ACP3: variants seen among roughly 807,000 people sequenced by gnomAD.
The protein encoded by ACP3 is prostatic acid phosphatase.
Under a neutral mutation model 45.6 loss-of-function variants are expected in ACP3, and 38 were observed. The observed-to-expected ratio is 0.83, with a 90% CI of 0.64 to 1.09. The LOEUF (loss-of-function observed/expected upper bound fraction) is 1.09, where lower values mean the gene tolerates loss of function less well. Among genes scored for constraint, ACP3 ranks in the 50% least tolerant of loss-of-function variants. The probability of loss-of-function intolerance (pLI) is 0.00; values close to 1 mark genes in which losing one functional copy is unlikely to be tolerated. For synonymous variants in ACP3, 162 were observed against 164.7 expected (o/e 0.98, Z 0.13); for missense variants, 466 against 463.2 (o/e 1.01, Z -0.05).
chr3:132,332,616 G>C, intron 4 of ACP3: 1 of 305,252 alleles, frequency 3.3e-6, no homozygotes, highest in Non-Finnish European at 6.2e-6. Flanking sequence ...CATACACAGA[G>C]AGAGAGAGAG....
intron 7 of ACP3, among the ~76,000 whole-genome samples, chr3:132,346,232 T>C (rs1307006178): frequency 2.0e-5 from 3 of 152,174 alleles, no homozygotes; most frequent in Admixed American, 2.0e-4. Flanking sequence ...GAATCAATTA[T>C]AGCTAGAAAA....
chr3:132,367,535 T>G (rs1361566878), intron 10 of ACP3, among the ~76,000 whole-genome samples: 1 of 152,244 alleles, frequency 6.6e-6, no homozygotes, highest in Non-Finnish European at 1.5e-5. Context: ...GGTCATCTCC[T>G]GACTCCTAGT....
At chr3:132,367,570 T>TA (rs1425638703) in intron 10 of ACP3, 1 of 682,036 alleles carries the variant, frequency 1.5e-6, no homozygotes, top group African/African-American at 1.8e-5. Flanking sequence ...AGCACACACA[T>TA]AATGCTGATT....
intron 9 of ACP3, among the ~76,000 whole-genome samples, chr3:132,355,359 C>A (rs1937857692): frequency 1.3e-5 from 2 of 152,116 alleles, no homozygotes; most frequent in African/African-American, 4.8e-5. Flanking sequence ...TATTGGTCAT[C>A]TAGGCCATAT....
At chr3:132,325,788 G>C (rs1027959927) in intron 1 of ACP3, among the ~76,000 whole-genome samples, 2 of 152,180 alleles carry the variant, frequency 1.3e-5, no homozygotes, top group African/African-American at 4.8e-5. Flanking sequence ...GCCTGTGTTT[G>C]AATATCAGCT....
chr3:132,354,202 A>T (rs531668935), intron 9 of ACP3, among the ~76,000 whole-genome samples: 3 of 152,176 alleles, frequency 2.0e-5, no homozygotes, highest in Non-Finnish European at 2.9e-5. Context: ...AAATTCCAGG[A>T]TCAGCTTCAG....
At chr3:132,367,228 G>A (rs1458372115) in intron 10 of ACP3, among the ~76,000 whole-genome samples, 1 of 152,156 alleles carries the variant, frequency 6.6e-6, no homozygotes, top group African/African-American at 2.4e-5. Flanking sequence ...ACACAGTTAT[G>A]CTAGAAATGT....
chr3:132,324,964 T>A (rs1419452111), intron 1 of ACP3, among the ~76,000 whole-genome samples: 2 of 152,152 alleles, frequency 1.3e-5, no homozygotes, highest in African/African-American at 4.8e-5. Context: ...ATCTTGGATG[T>A]CTTTCTATTA....
Position 132,325,119 on chromosome 3 carries a change from AT to A in ACP3, c.121-3146del, listed in dbSNP as rs1386775551. On this transcript the variant is annotated intron_variant, in intron 1 of 9. Coordinates refer to ENST00000336375, the MANE Select transcript of ACP3 (RefSeq NM_001099.5). ...GTTAAGAAGATTGCTCTACCACAGAATTAAAAGAATGTCTTCGCATAGTCCA... is the reference window on the plus strand; with the variant it reads ...GTTAAGAAGATTGCTCTACCACAGAATAAAAGAATGTCTTCGCATAGTCCA... 7.2e-5 allele frequency among the ~76,000 whole-genome samples: 11 copies of A among 152,340 alleles called. No individual in the cohort carries two copies. In the South Asian group the frequency reaches 1.0e-3, roughly 14 times the overall value.
At position 132,356,808 on chromosome 3, in the gene ACP3, T is replaced by A. The variant is rs1937913392; in HGVS notation, c.1091T>A (p.Ile364Asn). Residue 364 changes from isoleucine (I) to asparagine (N), a missense_variant, in exon 10 of 10, where the codon ATC (isoleucine) becomes AAC (asparagine). By Grantham distance (149) the Ile-to-Asn change is moderately radical. Coordinates refer to ENST00000336375, the MANE Select transcript of ACP3 (RefSeq NM_001099.5). ...TTTGCTGAGCTGGTTGGCCCTGTGA[T>A]CCCTCAAGACTGGTCCACGGAGTGT... is the stretch of plus-strand genomic sequence containing the variant. Reference protein sequence around the residue: ...ERFAELVGPVIPQDWSTECMT... With the variant: ...ERFAELVGPVNPQDWSTECMT... The A allele has an allele frequency of 1.2e-6, 2 of 1,614,002 alleles. No individual in the cohort carries two copies. The highest frequency in any genetic ancestry group is 1.7e-6 in the Non-Finnish European group (2 of 1,180,034).
chr3:132,337,510 A>G lies in ACP3; in HGVS notation c.511A>G (p.Thr171Ala), dbSNP rs775972749. ...CPRFQELESE[T>A]LKSEEFQKRL... is the part of the protein sequence containing the mutation. ...TCGTTTTCAAGAACTTGAGAGTGAG[A>G]CTTTGAAATCAGAGGAATTCCAGAA... Residue 171 changes from threonine to alanine, a missense_variant, in exon 5 of 10, where the codon ACT becomes GCT. By Grantham distance (58) the Thr-to-Ala change is moderately conservative (BLOSUM62 0). Transcript: ENST00000336375. 6.2e-7 allele frequency: 1 copy of G among 1,611,650 alleles called. No homozygotes were observed. Among genetic ancestry groups the G allele is most frequent in the Non-Finnish European group, 8.5e-7 (1 of 1,178,010 alleles).
downstream of ACP3, among the ~76,000 whole-genome samples, chr3:132,361,092 A>T (rs1235632403): frequency 6.6e-6 from 1 of 152,184 alleles, no homozygotes; most frequent in Non-Finnish European, 1.5e-5. Context: ...CTATGTGCCA[A>T]CATGTCTGTA....
In ACP3 at chr3:132,349,952, A is replaced by G; in HGVS notation, c.814A>G (p.Lys272Glu). ...GGTCAATGAAATCCTCAATCACATG[A>G]AGAGAGCAACTCAGATACCAAGCTA... ...VLVNEILNHM[K>E]RATQIPSYKK... Residue 272 changes from lysine (K) to glutamate (E), a missense_variant, in exon 8 of 10, where the codon AAG (lysine) becomes GAG (glutamate). Coordinates refer to ENST00000336375, the MANE Select transcript of ACP3 (RefSeq NM_001099.5). The G allele has an allele frequency of 6.2e-7, 1 of 1,613,128 alleles. No individual in the cohort carries two copies.
At chr3:132,330,929 T>C (rs910899961) in intron 2 of ACP3, among the ~76,000 whole-genome samples, 3 of 152,192 alleles carry the variant, frequency 2.0e-5, no homozygotes, top group African/African-American at 7.2e-5. Flanking sequence ...GAATCTGCAT[T>C]TCAACATGCA....
At position 132,356,848 on chromosome 3, in the gene ACP3, C is replaced by T. The variant is rs1937915255; in HGVS notation, c.1131C>T (p.Ser377=). 2.5e-6 allele frequency: 4 copies of T among 1,613,960 alleles called. No individual in the cohort carries two copies. Among genetic ancestry groups the T allele is most frequent in the Non-Finnish European group, 2.5e-6 (3 of 1,180,016 alleles). The change falls in exon 10 of 10, where the codon AGC becomes AGT. Residue 377 remains serine, a synonymous_variant. Transcript: ENST00000336375. ...DWSTECMTTN[S]HQGTEDSTD ...CCACGGAGTGTATGACCACAAACAG[C>T]CATCAAGGTACTGAAGACAGTACAG...
intron 10 of ACP3, among the ~76,000 whole-genome samples, chr3:132,366,834 C>A (rs1938139845): frequency 6.6e-6 from 1 of 152,136 alleles, no homozygotes; most frequent in African/African-American, 2.4e-5. Flanking sequence ...TAACCATAAC[C>A]AGATTATCTA....
intron 2 of ACP3, among the ~76,000 whole-genome samples, chr3:132,329,440 A>G (rs1038241611): frequency 6.6e-6 from 1 of 152,156 alleles, no homozygotes; most frequent in African/African-American, 2.4e-5. Context: ...CCCTGACTAT[A>G]TTTCATAGAG....
intron 5 of ACP3, among the ~76,000 whole-genome samples, chr3:132,341,247 C>T (rs1937549401): frequency 6.6e-6 from 1 of 152,122 alleles, no homozygotes; most frequent in African/African-American, 2.4e-5. Flanking sequence ...AATAAGCATA[C>T]AGGCTTTTGA....
At chr3:132,327,787 C>T (rs370037631) in intron 1 of ACP3, among the ~76,000 whole-genome samples, 1,445 of 54,192 alleles carry the variant, frequency 0.027, 30 homozygotes, top group African/African-American at 0.08. Flanking sequence ...GAGCAAGACA[C>T]TGTTTCAAAA....
Sources: allele counts gnomAD v4.1 joint callset (sites outside exome capture counted in the v4.1 genomes callset), GRCh38; gene constraint gnomAD v4.1.1; transcripts MANE v1.5; gene names NCBI Gene and HGNC (gene_info 2026-07-23, HGNC 2026-07-21).